Variants in ACBD6 observed in about 807,000 individuals in gnomAD.
The protein encoded by ACBD6 is acyl-CoA-binding domain-containing protein 6.
Under a neutral mutation model 37.2 loss-of-function variants are expected in ACBD6, and 28 were observed. That is an observed-to-expected ratio of 0.75 (90% CI 0.56 to 1.03). The LOEUF is 1.03. Ranked by LOEUF, ACBD6 falls within the 50% of genes least tolerant of loss-of-function variation. ACBD6 has a pLI of 0.00. For missense variants in ACBD6, 340 were observed against 337.4 expected (o/e 1.01, Z -0.06); for synonymous variants, 113 against 126.8 (o/e 0.89, Z 0.73).
intron 4 of ACBD6, among the ~76,000 whole-genome samples, chr1:180,429,500 A>T (rs926495537): frequency 1.3e-5 from 2 of 152,136 alleles, no homozygotes; most frequent in Admixed American, 1.3e-4. Context: ...TTATCCATCC[A>T]TCTGTCAACA....
chr1:180,362,343 G>C (rs762483047), intron 6 of ACBD6, among the ~76,000 whole-genome samples: 2 of 152,162 alleles, frequency 1.3e-5, no homozygotes, highest in Non-Finnish European at 2.9e-5. Flanking sequence ...CAGGCTGCTA[G>C]TGCCACTTTA....
In ACBD6 at chr1:180,502,389, T is replaced by A. The variant is rs1571593328; in HGVS notation, c.-123A>T. The A allele has an allele frequency of 2.7e-6, 3 of 1,099,240 alleles. No homozygotes were observed. In the East Asian group the frequency reaches 7.7e-5, roughly 28 times the overall value. The allele number at this position is 1,099,240 out of a possible 1,614,324, so 68.1% of individuals were successfully genotyped here. A position where few individuals can be genotyped will look rare whatever the true frequency, so the allele number is the denominator to read the frequency against. On this transcript the variant is annotated 5_prime_UTR_variant, in exon 1 of 8. Coordinates refer to ENST00000367595, the MANE Select transcript of ACBD6 (RefSeq NM_032360.4). ...GCCTGAGCTCCAGTCGGACCCAAGCTCAGTCGCGGCGCGCTCCCTCACGTG... is the reference window on the plus strand; with the variant it reads ...GCCTGAGCTCCAGTCGGACCCAAGCACAGTCGCGGCGCGCTCCCTCACGTG...
At chr1:180,271,990 T>C (rs1364306543) in intron 13 of ACBD6, 2 of 1,612,412 alleles carry the variant, frequency 1.2e-6, no homozygotes, top group East Asian at 4.5e-5. Flanking sequence ...TTAGTGACAG[T>C]GAGCTGAGCT....
chr1:180,322,060 T>C (rs1651096032), intron 6 of ACBD6, among the ~76,000 whole-genome samples: 1 of 152,118 alleles, frequency 6.6e-6, no homozygotes, highest in Non-Finnish European at 1.5e-5. Flanking sequence ...TGTTAAGGAT[T>C]TTTTCATGAA....
intron 7 of ACBD6, among the ~76,000 whole-genome samples, chr1:180,293,818 G>A (rs1302661597): frequency 6.6e-6 from 1 of 151,958 alleles, no homozygotes; most frequent in Non-Finnish European, 1.5e-5. Context: ...TGATCATAGT[G>A]CAGTGCAGTG....
At chr1:180,333,817 T>G (rs1651584660) in intron 6 of ACBD6, among the ~76,000 whole-genome samples, 1 of 152,216 alleles carries the variant, frequency 6.6e-6, no homozygotes, top group South Asian at 2.1e-4. Flanking sequence ...ACTCCCACTC[T>G]AATACTGCAC....
At chr1:180,457,644 G>A (rs1649975212) in intron 3 of ACBD6, among the ~76,000 whole-genome samples, 1 of 152,124 alleles carries the variant, frequency 6.6e-6, no homozygotes, top group Non-Finnish European at 1.5e-5. Flanking sequence ...AGGCTAACAT[G>A]AATCAGAATG....
chr1:180,429,823 CACA>C lies in ACBD6; in HGVS notation c.467+354_467+356del, dbSNP rs1482017626. On this transcript the variant is annotated intron_variant, in intron 4 of 7. Transcript: ENST00000367595. ...AAAAATCCTTAGCTTTAGATTGAGA[CACA>C]ACATCTTGTCCCACCAACTACTTGT... is the stretch of plus-strand genomic sequence containing the variant. Among the ~76,000 whole-genome samples the C allele has an allele frequency of 3.3e-5, 5 of 152,078 alleles. No homozygotes were observed. In the East Asian group the frequency reaches 7.7e-4, roughly 23 times the overall value.
chr1:180,284,834 C>G (rs2764458), downstream of ACBD6, among the ~76,000 whole-genome samples: 16,538 of 151,992 alleles, frequency 0.11, 1,299 homozygotes, highest in African/African-American at 0.22. Flanking sequence ...GAAAGGCTTG[C>G]ATAATTACCC....
intron 4 of ACBD6, among the ~76,000 whole-genome samples, chr1:180,418,249 A>C (rs919779666): frequency 6.6e-6 from 1 of 152,198 alleles, no homozygotes; most frequent in Admixed American, 6.5e-5. Flanking sequence ...AAAAGAATCT[A>C]TTCTTACTCA....
intron 4 of ACBD6, among the ~76,000 whole-genome samples, chr1:180,420,169 C>T (rs1467698017): frequency 6.6e-6 from 1 of 152,098 alleles, no homozygotes; most frequent in African/African-American, 2.4e-5. Context: ...CTGTTAATTC[C>T]TCTAGTGTGG....
At chr1:180,329,761 T>C (rs1350054251) in intron 6 of ACBD6, among the ~76,000 whole-genome samples, 5 of 152,182 alleles carry the variant, frequency 3.3e-5, no homozygotes, top group Non-Finnish European at 2.9e-5. Flanking sequence ...CTCTGGGTGG[T>C]GATCTGTAGC....
At chr1:180,398,976 G>C (rs1368264443) in intron 5 of ACBD6, among the ~76,000 whole-genome samples, 1 of 152,112 alleles carries the variant, frequency 6.6e-6, no homozygotes, top group Non-Finnish European at 1.5e-5. Flanking sequence ...TTATCATTCA[G>C]ACTTTCTTCA....
chr1:180,456,303 C>T (rs1332462472), intron 3 of ACBD6, among the ~76,000 whole-genome samples: 1 of 151,370 alleles, frequency 6.6e-6, no homozygotes. Context: ...GTTTCAAAAA[C>T]TCTCTTTTCA....
chr1:180,402,605 C>T (rs1200764247), intron 5 of ACBD6, among the ~76,000 whole-genome samples: 2 of 152,070 alleles, frequency 1.3e-5, no homozygotes, highest in Non-Finnish European at 2.9e-5. Context: ...AGTATGAGAC[C>T]AGCCTGGGGA....
chr1:180,290,327 C>CTATA (rs1266779770), intron 7 of ACBD6, among the ~76,000 whole-genome samples: 5 of 152,230 alleles, frequency 3.3e-5, no homozygotes, highest in South Asian at 4.2e-4. Flanking sequence ...GTAGTTATAA[C>CTATA]TATATAGGTG....
chr1:180,456,165 T>C (rs1571535116), intron 3 of ACBD6, among the ~76,000 whole-genome samples: 2 of 150,524 alleles, frequency 1.3e-5, no homozygotes, highest in South Asian at 2.1e-4. Context: ...TGAGCCAAGA[T>C]TGCACCACTG....
intron 6 of ACBD6, among the ~76,000 whole-genome samples, chr1:180,379,480 A>G (rs973553128): frequency 6.6e-6 from 1 of 152,222 alleles, no homozygotes; most frequent in African/African-American, 2.4e-5. Flanking sequence ...ATACAAGGGA[A>G]TTCTGAAAAA....
intron 8 of ACBD6, among the ~76,000 whole-genome samples, chr1:180,282,353 A>C (rs1401956025): frequency 6.6e-6 from 1 of 152,164 alleles, no homozygotes; most frequent in Admixed American, 6.6e-5. Flanking sequence ...ATATAGACCC[A>C]AAAAAGTGGT....
Sources: gnomAD v4.1 joint callset for allele counts (sites outside exome capture counted in the v4.1 genomes callset) on GRCh38, gnomAD v4.1.1 for gene constraint, MANE v1.5 for transcripts, NCBI Gene and HGNC (gene_info 2026-07-23, HGNC 2026-07-21) for gene names.